The following RARG variants were observed in gnomAD, a reference collection of about 807,000 sequenced individuals.
RARG encodes the protein retinoic acid receptor gamma.
RARG carries 17 observed loss-of-function variants against 43.7 expected under a neutral mutation model. The observed-to-expected ratio is 0.39, with a 90% CI of 0.27 to 0.58. RARG has a LOEUF of 0.58. Ranked by LOEUF, RARG falls within the 20% of genes least tolerant of loss-of-function variation. RARG has a pLI of 0.57. For synonymous variants in RARG, 238 were observed against 236.4 expected (o/e 1.01, Z -0.06); for missense variants, 346 against 598.7 (o/e 0.58, Z 4.40).
At chr12:53,230,636 A>G (rs1008122369) in intron 2 of RARG, among the ~76,000 whole-genome samples, 8 of 151,714 alleles carry the variant, frequency 5.3e-5, no homozygotes, top group Non-Finnish European at 7.4e-5. Flanking sequence ...CCACCCTACT[A>G]GCCCCAGGGA....
At chr12:53,225,208 T>C (rs1943076752) in intron 3 of RARG, among the ~76,000 whole-genome samples, 3 of 152,208 alleles carry the variant, frequency 2.0e-5, no homozygotes, top group African/African-American at 7.2e-5. Flanking sequence ...AAAAGGGTAC[T>C]TTGTGCTGTC....
intron 2 of RARG, among the ~76,000 whole-genome samples, chr12:53,230,317 T>C (rs1282242332): frequency 6.6e-6 from 1 of 151,152 alleles, no homozygotes; most frequent in Non-Finnish European, 1.5e-5. Context: ...AGGGCATGGA[T>C]GAAGGGGGCT....
chr12:53,228,078 G>A (rs774736892), intron 2 of RARG, among the ~76,000 whole-genome samples: 7 of 152,202 alleles, frequency 4.6e-5, no homozygotes, highest in Non-Finnish European at 1.0e-4. Context: ...TGAAGTGACT[G>A]GCTTAAGGTC....
Position 53,211,759 on chromosome 12 carries a change from G to T in RARG, c.1282C>A (p.Gln428Lys), listed in dbSNP as rs758628664. The change falls in exon 10 of 10, where the codon CAG becomes AAG. Residue 428 changes from glutamine (Q) to lysine (K), a missense_variant. By Grantham distance (53) the Gln-to-Lys change is moderately conservative. Transcript: ENST00000425354. This position sits in a 1 kb window ranked among gnomAD's most constrained non-coding sequence, Gnocchi z 4.6. ...NPEMFEDDSS[Q>K]PGPHPNASSE... ...GAGGCATTGGGGTGGGGACCAGGCT[G>T]CGAGGAGTCATCCTCAAACATTTCA... The T allele has an allele frequency of 1.3e-6, 2 of 1,569,766 alleles. No homozygotes were observed. The highest frequency in any genetic ancestry group is 1.2e-5 in the South Asian group (1 of 85,620).
At chr12:53,224,455 A>C (rs1012045557) in intron 3 of RARG, among the ~76,000 whole-genome samples, 1 of 152,178 alleles carries the variant, frequency 6.6e-6, no homozygotes, top group Non-Finnish European at 1.5e-5. Flanking sequence ...TGAGATGCAC[A>C]AACTCAATGT....
intron 3 of RARG, among the ~76,000 whole-genome samples, chr12:53,225,958 C>T (rs1291675508): frequency 1.3e-5 from 2 of 152,182 alleles, no homozygotes; most frequent in African/African-American, 4.8e-5. Context: ...TCTGGAACAC[C>T]CCCTCTGCCT....
intron 3 of RARG, among the ~76,000 whole-genome samples, chr12:53,226,634 CAG>C (rs1412586283): frequency 7.0e-6 from 1 of 142,282 alleles, no homozygotes; most frequent in Non-Finnish European, 1.5e-5. Flanking sequence ...TTTTTTTAGA[CAG>C]ATTCTCACTC....
At chr12:53,214,027 G>C (rs768375327) in intron 7 of RARG, 32 bp downstream of exon 7, 1 of 1,590,056 alleles carries the variant, frequency 6.3e-7, no homozygotes, top group Non-Finnish European at 8.6e-7. Flanking sequence ...ATGTGGGTCG[G>C]GCTGTGGCAG....
chr12:53,213,370 C>T lies in RARG; in HGVS notation c.1018+126G>A, dbSNP rs951956638. The stretch of plus-strand genomic sequence containing the variant: ...GGGTTTCAGAACTCTCTGGATGGGG[C>T]CAGGTGCAAGAATTACCAGCAGAAG... On this transcript the variant is annotated intron_variant, in intron 8 of 9. Transcript: ENST00000425354. This position sits in a 1 kb window ranked among gnomAD's most constrained non-coding sequence, Gnocchi z 4.7. 2 of 1,479,484 alleles carry T rather than the reference C, an allele frequency of 1.4e-6. No individual in the cohort carries two copies. The highest frequency in any genetic ancestry group is 2.3e-5 in the East Asian group (1 of 43,346). The allele number at this position is 1,479,484 out of a possible 1,614,324, so 91.6% of individuals were successfully genotyped here.
At chr12:53,216,660 T>C (rs1942768888) in intron 3 of RARG, among the ~76,000 whole-genome samples, 4 of 152,062 alleles carry the variant, frequency 2.6e-5, no homozygotes, top group African/African-American at 9.6e-5. Flanking sequence ...AGAAGTCAGG[T>C]GACAGTAGGT....
chr12:53,212,976 A>G (rs1942646093), intron 9 of RARG, 109 bp downstream of exon 9: 1 of 1,316,782 alleles, frequency 7.6e-7, no homozygotes, highest in African/African-American at 1.5e-5. Context: ...TCCAGTGTAG[A>G]TTGCCTGGTT....
Position 53,216,506 on chromosome 12 carries a change from G to A in RARG, c.185-712C>T, listed in dbSNP as rs116809960. On this transcript the variant is annotated intron_variant, in intron 3 of 9. Coordinates refer to ENST00000425354, the MANE Select transcript of RARG (RefSeq NM_000966.6). ...CTTGGTTCACGCCTGAAGAAACTGA[G>A]GCCACGAGAGGGGAAGTGACCAGCT... is the stretch of plus-strand genomic sequence containing the variant. 4.9e-3 allele frequency among the ~76,000 whole-genome samples: 743 copies of A among 152,278 alleles called. 3 individuals are homozygous for A. Among genetic ancestry groups the A allele is most frequent in the African/African-American group, 0.017 (704 of 41,540 alleles).
chr12:53,218,783 GCGCCCGCCGCCC>G lies in RARG; in HGVS notation c.185-3001_185-2990del, dbSNP rs537638623. 8.6e-5 allele frequency among the ~76,000 whole-genome samples: 13 copies of G among 151,610 alleles called. No homozygotes were observed. In the South Asian group the frequency reaches 2.3e-3, roughly 27 times the overall value. On this transcript the variant is annotated intron_variant, in intron 3 of 9. Transcript: ENST00000425354. ...GTGACCTGGCGTGCGCACTCCCCCA[GCGCCCGCCGCCC>G]CGCCCGCTGCCCGCCCCTTCCCACC...
rs560010701 is a variant in RARG, at chr12:53,226,059, A to G, written c.184+1303T>C. Among the ~76,000 whole-genome samples, 21 of 152,298 alleles carry G rather than the reference A, an allele frequency of 1.4e-4. No homozygotes were observed. The East Asian group carries it at 2.7e-3, about 20-fold the overall frequency. On this transcript the variant is annotated intron_variant, in intron 3 of 9. Transcript: ENST00000425354. ...GAAGCACAGTCTCCTGACCCCACACATCTTTGGGGACCTGGCACAGGATTT... is the reference window on the plus strand; with the variant it reads ...GAAGCACAGTCTCCTGACCCCACACGTCTTTGGGGACCTGGCACAGGATTT...
chr12:53,230,690 G>A (rs569648825), intron 2 of RARG, among the ~76,000 whole-genome samples: 13 of 152,002 alleles, frequency 8.6e-5, no homozygotes, highest in African/African-American at 3.1e-4. Flanking sequence ...AGTGGAATGT[G>A]TGTGGGCATC....
At chr12:53,221,293 A>T (rs115495221) in intron 3 of RARG, among the ~76,000 whole-genome samples, 6,262 of 151,828 alleles carry the variant, frequency 0.041, 216 homozygotes, top group East Asian at 0.13. Flanking sequence ...AAGCGCCTCG[A>T]CCGTCTCTCT....
At position 53,211,709 on chromosome 12, in the gene RARG, G is replaced by T; in HGVS notation, c.1332C>A (p.Gly444=). The change falls in exon 10 of 10, where the codon GGC becomes GGA. Residue 444 remains glycine (G), a synonymous_variant. Coordinates refer to ENST00000425354, the MANE Select transcript of RARG (RefSeq NM_000966.6). This position sits in a 1 kb window ranked among gnomAD's most constrained non-coding sequence, Gnocchi z 4.6. ...NASSEDEVPG[G]QGKGGLKSPA The stretch of plus-strand genomic sequence containing the variant: ...GGGACTTCAGGCCCCCTTTGCCCTG[G>T]CCCCCAGGAACCTCATCCTCGCTAG... The T allele has an allele frequency of 6.4e-7, 1 of 1,556,482 alleles. No individual in the cohort carries two copies. The highest frequency in any genetic ancestry group is 2.0e-5 in the Admixed American group (1 of 51,124).
chr12:53,224,562 A>G (rs1943062453), intron 3 of RARG, among the ~76,000 whole-genome samples: 1 of 151,208 alleles, frequency 6.6e-6, no homozygotes, highest in Non-Finnish European at 1.5e-5. Flanking sequence ...GAGAGAGGAC[A>G]CTCTCTCATC....
rs1165167722 is a variant in RARG, at chr12:53,215,122, G to A, written c.475+171C>T. On this transcript the variant is annotated intron_variant, in intron 5 of 9. Transcript: ENST00000425354. This position sits in a 1 kb window ranked among gnomAD's most constrained non-coding sequence, Gnocchi z 6.4. ...TGAGAGGGAGAATGGGAAATGGTGG[G>A]GCCTCCTGGTTGAATGGAGCTAATC... is the stretch of plus-strand genomic sequence containing the variant. 6.6e-6 allele frequency among the ~76,000 whole-genome samples: 1 copy of A among 152,180 alleles called. No individual in the cohort carries two copies. The highest frequency in any genetic ancestry group is 2.4e-5 in the African/African-American group (1 of 41,440).
Sources: gnomAD v4.1 joint callset for allele counts (sites outside exome capture counted in the v4.1 genomes callset) on GRCh38, gnomAD v4.1.1 for gene constraint, Gnocchi (gnomAD v3.1) non-coding constraint, MANE v1.5 for transcripts, NCBI Gene and HGNC (gene_info 2026-07-23, HGNC 2026-07-21) for gene names.